The following HMGA1 variants were observed in gnomAD, a reference collection of about 807,000 sequenced individuals.
HMGA1 encodes high mobility group protein HMG-I/HMG-Y.
Under a neutral mutation model 15.1 loss-of-function variants are expected in HMGA1, and 1 was observed. The ratio of observed to expected loss-of-function variants is 0.07; its 90% confidence interval spans 0.02 to 0.31. The LOEUF is 0.31. Among genes scored for constraint, HMGA1 ranks in the 10% least tolerant of loss-of-function variants. HMGA1 has a pLI of 1.00. For missense variants in HMGA1, 94 were observed against 141.4 expected, an observed-to-expected ratio of 0.66 and a Z score of 1.70; for synonymous variants, 56 against 54.8, an observed-to-expected ratio of 1.02 and a Z score of -0.10.
At chr6:34,240,200 T>A (rs1200234002) in intron 2 of HMGA1, among the ~76,000 whole-genome samples, 1 of 152,130 alleles carries the variant, frequency 6.6e-6, no homozygotes, top group Non-Finnish European at 1.5e-5. Flanking sequence ...TGGTCCTGAG[T>A]CTTGCACCTT....
chr6:34,240,753 C>T lies in HMGA1; in HGVS notation c.-28C>T, dbSNP rs777507982. ...GTCTCCCAGCATCCCAGCCATCACT[C>T]TTCCACCTGCTCCTTAGAGAAGGGA... On this transcript the variant is annotated 5_prime_UTR_variant, in exon 3 of 6. Coordinates refer to ENST00000311487, the MANE Select transcript of HMGA1 (RefSeq NM_145899.3). 5.6e-6 allele frequency: 9 copies of T among 1,611,814 alleles called. No homozygotes were observed. Among genetic ancestry groups the T allele is most frequent in the Non-Finnish European group, 4.2e-6 (5 of 1,179,784 alleles).
Position 34,245,028 on chromosome 6 carries a change from C to A in HMGA1, c.*144C>A, listed in dbSNP as rs751465310. ...CCGCCACCCCCATCTTCCACCTGTG[C>A]CCTCACCACCACACTACACAGCACA... On this transcript the variant is annotated 3_prime_UTR_variant, in exon 6 of 6. Transcript: ENST00000311487. 6.5e-7 allele frequency: 1 copy of A among 1,536,790 alleles called. No individual in the cohort carries two copies. The highest frequency in any genetic ancestry group is 2.0e-5 in the Admixed American group (1 of 50,538).
intron 2 of HMGA1, among the ~76,000 whole-genome samples, chr6:34,238,583 G>T (rs1233882158): frequency 6.6e-6 from 1 of 152,212 alleles, no homozygotes; most frequent in Non-Finnish European, 1.5e-5. Flanking sequence ...AGCACAGTTT[G>T]CATGCACAGT....
intron 3 of HMGA1, among the ~76,000 whole-genome samples, chr6:34,242,426 C>T (rs1762380829): frequency 6.6e-6 from 1 of 152,210 alleles, no homozygotes; most frequent in Admixed American, 6.5e-5. Context: ...TTGGGCAGAG[C>T]CACCTAACTG....
Position 34,240,889 on chromosome 6 carries a change from C to A in HMGA1, c.109C>A (p.Pro37Thr), listed in dbSNP as rs971979912. 2 of 1,613,546 alleles carry A rather than the reference C, an allele frequency of 1.2e-6. No homozygotes were observed. The highest frequency in any genetic ancestry group is 2.7e-5 in the African/African-American group (2 of 74,878). The change falls in exon 3 of 6, where the codon CCC (proline) becomes ACC (threonine). Residue 37 changes from proline (P) to threonine (T), a missense_variant. By Grantham distance (38) the Pro-to-Thr change is conservative. Transcript: ENST00000311487. ...GRPRKQPPVS[P>T]GTALVGSQKE... ...GCCGCGCAAGCAGCCTCCGGTGAGT[C>A]CCGGGACAGCGCTGGTAGGGAGTCA... is the stretch of plus-strand genomic sequence containing the variant.
At chr6:34,240,325 C>G (rs1561871714) in intron 2 of HMGA1, among the ~76,000 whole-genome samples, 1 of 152,172 alleles carries the variant, frequency 6.6e-6, no homozygotes, top group East Asian at 1.9e-4. Context: ...TGGATTTTCT[C>G]TTAAAGAGAA....
rs772659198 is a variant in HMGA1 at position 34,244,970 on chromosome 6, C to A, written c.*86C>A. The A allele has an allele frequency of 3.2e-6, 5 of 1,544,836 alleles. No individual in the cohort carries two copies. The highest frequency in any genetic ancestry group is 4.4e-6 in the Non-Finnish European group (5 of 1,143,856). Reference sequence around the variant, plus strand: ...TGCTCCGCTCCCACCGCCCCCACCCCTTCCCCAGGCCCACCATCACCACCG... The same window carrying A: ...TGCTCCGCTCCCACCGCCCCCACCCATTCCCCAGGCCCACCATCACCACCG... On this transcript the variant is annotated 3_prime_UTR_variant, in exon 6 of 6. Coordinates refer to ENST00000311487, the MANE Select transcript of HMGA1 (RefSeq NM_145899.3).
intron 5 of HMGA1, among the ~76,000 whole-genome samples, chr6:34,244,148 T>C (rs1030321256): frequency 2.0e-5 from 3 of 147,284 alleles, no homozygotes; most frequent in Non-Finnish European, 4.5e-5. Flanking sequence ...GAAGCTGTCA[T>C]TCCTTGAGCT....
At chr6:34,239,461 C>A (rs768527975) in intron 2 of HMGA1, among the ~76,000 whole-genome samples, 8 of 152,036 alleles carry the variant, frequency 5.3e-5, no homozygotes, top group Non-Finnish European at 1.0e-4. Context: ...GTGAAGATTT[C>A]TTTCTATTAT....
intron 2 of HMGA1, among the ~76,000 whole-genome samples, chr6:34,237,812 G>A (rs1312072992): frequency 1.3e-5 from 2 of 151,738 alleles, no homozygotes; most frequent in African/African-American, 2.4e-5. Flanking sequence ...GAGGGAGATG[G>A]GGAGGAACCC....
Position 34,240,716 on chromosome 6 carries a change from AAG to A in HMGA1, c.-44-20_-44-19del. ...TGGCTGAAGCGAGATGTTTGTCTAA[AAG>A]CACTTTTCTGTCTCCCAGCATCCCA... On this transcript the variant is annotated intron_variant, in intron 2 of 5. Transcript: ENST00000311487. 1 of 1,595,656 alleles carries A rather than the reference AAG, an allele frequency of 6.3e-7. No individual in the cohort carries two copies. Among genetic ancestry groups the A allele is most frequent in the East Asian group, 2.2e-5 (1 of 44,744 alleles).
chr6:34,244,821 C>G lies in HMGA1; in HGVS notation c.271-10C>G, dbSNP rs964277456. On this transcript the variant is annotated splice_polypyrimidine_tract_variant and intron_variant, in intron 5 of 5. Coordinates refer to ENST00000311487, the MANE Select transcript of HMGA1 (RefSeq NM_145899.3). ...GCCAGAGCTCACACCAACAACTGCC[C>G]ACCTCACAGGAGAAGGAGGAAGAGG... The G allele has an allele frequency of 6.4e-7, 1 of 1,569,524 alleles. No individual in the cohort carries two copies. The highest frequency in any genetic ancestry group is 8.6e-7 in the Non-Finnish European group (1 of 1,157,618).
chr6:34,244,726 C>G (rs1166994670), intron 5 of HMGA1, 105 bp from the exon 6 acceptor site: 5 of 907,438 alleles, frequency 5.5e-6, no homozygotes, highest in South Asian at 1.4e-5. Flanking sequence ...TGACTCATCC[C>G]TCTTCAGGAG....
In HMGA1 at chr6:34,245,976, C is replaced by T. The variant is rs147082929; in HGVS notation, c.*1092C>T. On this transcript the variant is annotated 3_prime_UTR_variant, in exon 6 of 6. Transcript: ENST00000311487. ...GCCCACGATCCCCTCCCCCAAGATA[C>T]TCTTTGTGGGGAAGAGGGGCTGGGG... The T allele has an allele frequency of 2.2e-5, 6 of 276,926 alleles. No homozygotes were observed. Among genetic ancestry groups the T allele is most frequent in the Non-Finnish European group, 4.1e-5 (6 of 144,830 alleles). The allele number at this position is 276,926 out of a possible 1,614,324, so 17.2% of individuals were successfully genotyped here.
Position 34,244,931 on chromosome 6 carries a change from G to A in HMGA1, c.*47G>A. ...TCACTGGAGGAGCAGCTTCCTTCTG[G>A]GACTGGACAGCTTTGCTCCGCTCCC... On this transcript the variant is annotated 3_prime_UTR_variant, in exon 6 of 6. Coordinates refer to ENST00000311487, the MANE Select transcript of HMGA1 (RefSeq NM_145899.3). The A allele has an allele frequency of 1.3e-6, 2 of 1,549,458 alleles. No homozygotes were observed. Among genetic ancestry groups the A allele is most frequent in the South Asian group, 2.4e-5 (2 of 84,014 alleles).
intron 2 of HMGA1, among the ~76,000 whole-genome samples, chr6:34,239,316 C>G (rs777004028): frequency 2.0e-5 from 3 of 150,774 alleles, no homozygotes; most frequent in Non-Finnish European, 4.4e-5. Flanking sequence ...ACCGTATTGT[C>G]CAGGCTGGTC....
chr6:34,240,489 G>GTTAA (rs1263705611), intron 2 of HMGA1, among the ~76,000 whole-genome samples: 4 of 152,118 alleles, frequency 2.6e-5, no homozygotes, highest in African/African-American at 7.2e-5. Context: ...CTGGGGCGGT[G>GTTAA]TTAAGGCAGG....
chr6:34,245,049 G>A lies in HMGA1; in HGVS notation c.*165G>A. On this transcript the variant is annotated 3_prime_UTR_variant, in exon 6 of 6. Transcript: ENST00000311487. ...TGTGCCCTCACCACCACACTACACA[G>A]CACACCAGCCGCTGCAGGGCTCCCA... 1 of 1,531,962 alleles carries A rather than the reference G, an allele frequency of 6.5e-7. No homozygotes were observed. Among genetic ancestry groups the A allele is most frequent in the South Asian group, 1.2e-5 (1 of 82,880 alleles). 94.9% of individuals were successfully genotyped at this position (1,531,962 alleles called of 1,614,324 possible).
chr6:34,244,331 C>T (rs1204497693), intron 5 of HMGA1, among the ~76,000 whole-genome samples: 26 of 152,268 alleles, frequency 1.7e-4, no homozygotes, highest in Admixed American at 7.8e-4. Flanking sequence ...CTTCCCCTTC[C>T]TCCCCACCCC....
Sources: allele counts gnomAD v4.1 joint callset (sites outside exome capture counted in the v4.1 genomes callset), GRCh38; gene constraint gnomAD v4.1.1; transcripts MANE v1.5; gene names NCBI Gene and HGNC (gene_info 2026-07-23, HGNC 2026-07-21).